The following SLFN12L variants were observed in gnomAD, a reference collection of about 807,000 sequenced individuals.
The protein encoded by SLFN12L is schlafen family member 12-like.
SLFN12L carries 34 observed loss-of-function variants against 34.8 expected under a neutral mutation model. The observed-to-expected ratio is 0.98, with a 90% CI of 0.74 to 1.30. The LOEUF is 1.30. SLFN12L is among the 50% of genes most tolerant of loss of function. SLFN12L has a pLI of 0.00. For missense variants in SLFN12L, 703 were observed against 696.2 expected, an observed-to-expected ratio of 1.01 and a Z score of -0.11; for synonymous variants, 259 against 247.5, an observed-to-expected ratio of 1.05 and a Z score of -0.44.
rs1047549165 is a variant in SLFN12L at position 35,469,316 on chromosome 17, T to TAAAA, written c.*5606_*5607insTTTT. On this transcript the variant is annotated 3_prime_UTR_variant, in exon 5 of 5. Coordinates refer to ENST00000628453, the MANE Select transcript of SLFN12L (RefSeq NM_001363830.2). ...TATATATATATAAAATATATATATA[T>TAAAA]TATATATATAAATATATATATAATA... Among the ~76,000 whole-genome samples the TAAAA allele has an allele frequency of 7.6e-6, 1 of 131,774 alleles. No homozygotes were observed. The highest frequency in any genetic ancestry group is 2.8e-4 in the South Asian group (1 of 3,520). 86.4% of individuals were successfully genotyped at this position (131,774 alleles called of 152,430 possible). A position where few individuals can be genotyped will look rare whatever the true frequency, so the allele number is the denominator to read the frequency against.
At chr17:35,526,340 G>T (rs946979285) in intron 1 of SLFN12L, among the ~76,000 whole-genome samples, 2 of 152,138 alleles carry the variant, frequency 1.3e-5, no homozygotes, top group Non-Finnish European at 2.9e-5. Flanking sequence ...CTTCAACTCC[G>T]CTCTGAACCA....
Position 35,490,067 on chromosome 17 carries a change from G to A in SLFN12L, c.87-9872C>T, listed in dbSNP as rs1289089469. ...CTGTTCCCTCTCCCTCCAAAGCGGC[G>A]CCGTAGCCACCGGCCCCCTCCTCCC... is the stretch of plus-strand genomic sequence containing the variant. On this transcript the variant is annotated intron_variant, in intron 2 of 4. Coordinates refer to ENST00000628453, the MANE Select transcript of SLFN12L (RefSeq NM_001363830.2). 33 of 1,606,270 alleles carry A rather than the reference G, an allele frequency of 2.1e-5. 1 individual carries two copies. The South Asian group carries it at 3.2e-4, about 16-fold the overall frequency.
rs145476767 is a variant in SLFN12L at position 35,479,484 on chromosome 17, T to C, written c.798A>G (p.Gln266=). The change falls in exon 3 of 5, where the codon CAA becomes CAG. Residue 266 remains glutamine, a synonymous_variant. Transcript: ENST00000628453. ...LLQRITEILP[Q]YVSAFANTDG... ...CAGTATTTGCAAATGCAGAAACATA[T>C]TGAGGGAGAATCTCTGTAATTCGTT... 5 of 1,614,188 alleles carry C rather than the reference T, an allele frequency of 3.1e-6. No individual in the cohort carries two copies. In the East Asian group the frequency reaches 8.9e-5, roughly 29 times the overall value.
At chr17:35,484,507 C>A (rs564046082) in intron 2 of SLFN12L, among the ~76,000 whole-genome samples, 1 of 152,250 alleles carries the variant, frequency 6.6e-6, no homozygotes, top group East Asian at 1.9e-4. Flanking sequence ...GTGCCAGGTA[C>A]CAATCAGCAC....
intron 2 of SLFN12L, among the ~76,000 whole-genome samples, chr17:35,518,990 C>T (rs933259897): frequency 1.4e-4 from 21 of 152,052 alleles, no homozygotes; most frequent in Admixed American, 7.2e-4. Flanking sequence ...AAATGTGGCA[C>T]GTACACACTA....
At chr17:35,523,916 C>T (rs57684306) in intron 1 of SLFN12L, among the ~76,000 whole-genome samples, 15,759 of 151,774 alleles carry the variant, frequency 0.1, 1,443 homozygotes, top group African/African-American at 0.24. Context: ...GCCTAGGTGA[C>T]TGAGTCAGAA....
At chr17:35,529,823 C>T (rs1238616605) in intron 1 of SLFN12L, among the ~76,000 whole-genome samples, 2 of 151,818 alleles carry the variant, frequency 1.3e-5, no homozygotes, top group African/African-American at 4.8e-5. Context: ...TGCACATGTA[C>T]CCCAGAACTT....
chr17:35,485,645 C>G (rs904670547), intron 2 of SLFN12L, among the ~76,000 whole-genome samples: 2 of 152,110 alleles, frequency 1.3e-5, no homozygotes, highest in Non-Finnish European at 2.9e-5. Flanking sequence ...TTTTATAGTT[C>G]GTGGTCTTAC....
Position 35,522,356 on chromosome 17 carries a change from C to T in SLFN12L, c.9G>A (p.Lys3=). The change falls in exon 2 of 5, where the codon AAG becomes AAA. Residue 3 remains lysine (K), a synonymous_variant. Transcript: ENST00000628453. ...CCTCACAGTGAAACACATTCCTGAT[C>T]TTCTCCATGATCTTCATGGCCATGA... The part of the protein sequence containing the change: ME[K]IRNVFHCEAH... 6.2e-7 allele frequency: 1 copy of T among 1,614,184 alleles called. No individual in the cohort carries two copies. The highest frequency in any genetic ancestry group is 1.3e-5 in the African/African-American group (1 of 75,038).
Position 35,475,466 on chromosome 17 carries a change from A to C in SLFN12L, c.1296T>G (p.Thr432=). The stretch of plus-strand genomic sequence containing the variant: ...TTCTGCAGAAGGTTTTTGGAGCACA[A>C]GTTATCTTTTCTGATAGCCCTAGAT... ...YHLPGLSEKI[T]CAPKTFCRNL... The change falls in exon 5 of 5, where the codon ACT becomes ACG. Residue 432 remains threonine, a synonymous_variant. Coordinates refer to ENST00000628453, the MANE Select transcript of SLFN12L (RefSeq NM_001363830.2). 6.2e-7 allele frequency: 1 copy of C among 1,608,480 alleles called. No individual in the cohort carries two copies.
chr17:35,498,692 A>G (rs529796598), intron 2 of SLFN12L: 4 of 1,580,572 alleles, frequency 2.5e-6, no homozygotes, highest in East Asian at 4.5e-5. Flanking sequence ...GAGCATTCCT[A>G]GATAACAATT....
intron 2 of SLFN12L, among the ~76,000 whole-genome samples, chr17:35,514,608 T>C (rs1052369587): frequency 1.3e-5 from 2 of 152,132 alleles, no homozygotes; most frequent in African/African-American, 4.8e-5. Flanking sequence ...CTGGGAAAAA[T>C]AAATGAACCA....
intron 2 of SLFN12L, among the ~76,000 whole-genome samples, chr17:35,480,944 A>G (rs1287839671): frequency 2.6e-5 from 4 of 152,170 alleles, no homozygotes; most frequent in African/African-American, 7.2e-5. Context: ...ATGATTATAT[A>G]TGATTATCAT....
intron 2 of SLFN12L, among the ~76,000 whole-genome samples, chr17:35,516,023 G>C (rs1915816367): frequency 6.6e-6 from 1 of 151,950 alleles, no homozygotes; most frequent in African/African-American, 2.4e-5. Context: ...GATTCTTAGA[G>C]ACCCCCTCTA....
chr17:35,522,875 G>C lies in SLFN12L; in HGVS notation c.-511C>G. 1.1e-6 allele frequency: 1 copy of C among 887,754 alleles called. No individual in the cohort carries two copies. Among genetic ancestry groups the C allele is most frequent in the African/African-American group, 1.7e-5 (1 of 59,070 alleles). The allele number at this position is 887,754 out of a possible 1,614,324, so 55.0% of individuals were successfully genotyped here. ...TCACAATTCCCCAGGAGAAAGGTTG[G>C]GTTTGCTTATTTATTAACTCCTCTA... On this transcript the variant is annotated 5_prime_UTR_variant, in exon 2 of 5. Coordinates refer to ENST00000628453, the MANE Select transcript of SLFN12L (RefSeq NM_001363830.2).
At chr17:35,523,455 T>C (rs1916057680) in intron 1 of SLFN12L, among the ~76,000 whole-genome samples, 1 of 152,198 alleles carries the variant, frequency 6.6e-6, no homozygotes, top group Non-Finnish European at 1.5e-5. Flanking sequence ...GTAAAAGCTT[T>C]TATTGGCAGT....
In SLFN12L at chr17:35,473,335, A is replaced by C. The variant is rs1913839353; in HGVS notation, c.*1588T>G. 6.6e-6 allele frequency among the ~76,000 whole-genome samples: 1 copy of C among 152,196 alleles called. No individual in the cohort carries two copies. The stretch of plus-strand genomic sequence containing the variant: ...TTTGAGATATGTTTCATCAATACCC[A>C]GTTTATTGAGAGTTTTTAACATAAA... On this transcript the variant is annotated 3_prime_UTR_variant, in exon 5 of 5. Transcript: ENST00000628453.
chr17:35,536,626 A>G (rs1263556862), intron 1 of SLFN12L, among the ~76,000 whole-genome samples: 4 of 151,796 alleles, frequency 2.6e-5, no homozygotes, highest in Admixed American at 6.6e-5. Flanking sequence ...AGTCTGAGCA[A>G]GGAAATCCAG....
intron 2 of SLFN12L, among the ~76,000 whole-genome samples, chr17:35,502,172 T>C (rs1324195680): frequency 1.3e-5 from 2 of 152,046 alleles, no homozygotes; most frequent in East Asian, 3.9e-4. Context: ...CTATAATTGA[T>C]AATTAAAGGT....
Sources: allele counts gnomAD v4.1 joint callset (sites outside exome capture counted in the v4.1 genomes callset), GRCh38; gene constraint gnomAD v4.1.1; transcripts MANE v1.5; gene names NCBI Gene and HGNC (gene_info 2026-07-23, HGNC 2026-07-21).